TBXAS1: variants seen among roughly 807,000 people sequenced by gnomAD.
TBXAS1 encodes thromboxane-A synthase.
TBXAS1 carries 48 observed loss-of-function variants against 60.7 expected under a neutral mutation model. The observed-to-expected ratio is 0.79, with a 90% CI of 0.63 to 1.01. The LOEUF is 1.01. Ranked by LOEUF, TBXAS1 falls within the 50% of genes least tolerant of loss-of-function variation. The pLI is 0.00. For missense variants in TBXAS1, 685 were observed against 686.3 expected (o/e 1.00, Z 0.02); for synonymous variants, 287 against 269.7 (o/e 1.06, Z -0.63).
chr7:139,971,435 T>C (rs1410671314), intron 9 of TBXAS1, among the ~76,000 whole-genome samples: 1 of 152,182 alleles, frequency 6.6e-6, no homozygotes. Flanking sequence ...TCGATCTGGA[T>C]CAGGTGGCAG....
chr7:139,909,686 C>A (rs543011296), intron 3 of TBXAS1, among the ~76,000 whole-genome samples: 387 of 152,274 alleles, frequency 2.5e-3, no homozygotes, highest in Non-Finnish European at 3.9e-3. Context: ...CAATTAATAT[C>A]ATTTGGGTTT....
chr7:139,965,618 G>A (rs1810724720), intron 9 of TBXAS1, among the ~76,000 whole-genome samples: 1 of 152,058 alleles, frequency 6.6e-6, no homozygotes, highest in Non-Finnish European at 1.5e-5. Context: ...AGACTCTCAA[G>A]GGCTCGGATC....
chr7:139,817,545 T>C (rs776658517), intron 4 of TBXAS1, among the ~76,000 whole-genome samples: 1 of 152,128 alleles, frequency 6.6e-6, no homozygotes, highest in Non-Finnish European at 1.5e-5. Context: ...TTAGAGCCCA[T>C]AAACCCGGAA....
chr7:139,957,620 T>G lies in TBXAS1; in HGVS notation c.689-14T>G, dbSNP rs1258835349. On this transcript the variant is annotated splice_polypyrimidine_tract_variant and intron_variant, in intron 7 of 12. Coordinates refer to ENST00000448866, the MANE Select transcript of TBXAS1 (RefSeq NM_001061.7). Reference sequence around the variant, plus strand: ...ACCCCCTTTTCAATGCCACTTTTGTTTTTCTCTTTCAAGTATCATTTCCAT... The same window carrying G: ...ACCCCCTTTTCAATGCCACTTTTGTGTTTCTCTTTCAAGTATCATTTCCAT... 5.6e-6 allele frequency: 9 copies of G among 1,613,908 alleles called. No homozygotes were observed. The highest frequency in any genetic ancestry group is 1.3e-5 in the African/African-American group (1 of 74,880).
chr7:139,986,755 ATGTG>A (rs72102720), intron 9 of TBXAS1, among the ~76,000 whole-genome samples: 2,995 of 78,954 alleles, frequency 0.038, 68 homozygotes, highest in Non-Finnish European at 0.052. Context: ...ATATATATAT[ATGTG>A]TGTGTGTGTG....
At chr7:139,816,534 C>T (rs1798153698) in intron 4 of TBXAS1, among the ~76,000 whole-genome samples, 1 of 152,142 alleles carries the variant, frequency 6.6e-6, no homozygotes, top group African/African-American at 2.4e-5. Flanking sequence ...CCTGGTGCTT[C>T]TAATGCACAG....
At chr7:139,954,522 G>GTCATGTATT (rs1554497471) in intron 6 of TBXAS1, among the ~76,000 whole-genome samples, 1 of 152,210 alleles carries the variant, frequency 6.6e-6, no homozygotes, top group Non-Finnish European at 1.5e-5. Context: ...ATCTGGAAAC[G>GTCATGTATT]TCATGTATTC....
intron 4 of TBXAS1, among the ~76,000 whole-genome samples, chr7:139,929,258 C>T (rs867612956): frequency 4.7e-4 from 72 of 152,322 alleles, no homozygotes; most frequent in African/African-American, 1.6e-3. Context: ...CAATGGTGAG[C>T]GCACACTTGG....
intron 6 of TBXAS1, among the ~76,000 whole-genome samples, chr7:139,955,014 A>C (rs1041352755): frequency 1.3e-5 from 2 of 152,226 alleles, no homozygotes; most frequent in Admixed American, 6.5e-5. Flanking sequence ...TTTGATGTCT[A>C]TCAGTCAATC....
chr7:140,008,013 C>A (rs1269138503), intron 10 of TBXAS1, among the ~76,000 whole-genome samples: 2 of 152,136 alleles, frequency 1.3e-5, no homozygotes, highest in Non-Finnish European at 1.5e-5. Flanking sequence ...GAAGTAACAG[C>A]CAGATTTCAG....
At chr7:140,017,880 G>C in intron 12 of TBXAS1, 47 bp downstream of exon 12, 1 of 1,612,436 alleles carries the variant, frequency 6.2e-7, no homozygotes, top group Non-Finnish European at 8.5e-7. Context: ...GGGGTGGGAG[G>C]GCCACCCCAG....
At chr7:139,818,997 AG>A (rs1456884976) in intron 4 of TBXAS1, among the ~76,000 whole-genome samples, 1 of 152,196 alleles carries the variant, frequency 6.6e-6, no homozygotes, top group Non-Finnish European at 1.5e-5. Context: ...TTTTTAGCAG[AG>A]GGCTGCAATT....
chr7:139,993,648 G>C (rs371815545), intron 9 of TBXAS1, among the ~76,000 whole-genome samples: 1 of 152,138 alleles, frequency 6.6e-6, no homozygotes, highest in Non-Finnish European at 1.5e-5. Context: ...CTAGCTATGG[G>C]ATGCCTAGTT....
intron 3 of TBXAS1, among the ~76,000 whole-genome samples, chr7:139,881,172 A>G (rs1325636192): frequency 6.6e-6 from 1 of 152,238 alleles, no homozygotes; most frequent in African/African-American, 2.4e-5. Flanking sequence ...TAAAGAAAGT[A>G]GCCTTTTATA....
intron 1 of TBXAS1, among the ~76,000 whole-genome samples, chr7:139,833,207 G>T (rs1421660810): frequency 6.6e-6 from 1 of 152,138 alleles, no homozygotes; most frequent in East Asian, 1.9e-4. Flanking sequence ...CTGCAGAATG[G>T]ATAAGAACTC....
intron 3 of TBXAS1, among the ~76,000 whole-genome samples, chr7:139,878,597 A>G (rs2116854698): frequency 6.6e-6 from 1 of 152,308 alleles, no homozygotes; most frequent in South Asian, 2.1e-4. Flanking sequence ...GGCGGTGTAA[A>G]AATGAAAGGG....
chr7:139,984,762 AAGC>A (rs1812272969), intron 9 of TBXAS1, among the ~76,000 whole-genome samples: 1 of 100,252 alleles, frequency 1.0e-5, no homozygotes, highest in Non-Finnish European at 2.1e-5. Flanking sequence ...GAAAGAAAGA[AAGC>A]AGGAAAGAAA....
intron 9 of TBXAS1, among the ~76,000 whole-genome samples, chr7:139,973,710 T>C (rs1811374411): frequency 6.6e-6 from 1 of 152,194 alleles, no homozygotes; most frequent in South Asian, 2.1e-4. Context: ...TTTATAAAGT[T>C]AATCATTTAG....
At chr7:139,858,850 T>C (rs1800766284) in intron 1 of TBXAS1, among the ~76,000 whole-genome samples, 1 of 152,214 alleles carries the variant, frequency 6.6e-6, no homozygotes, top group Non-Finnish European at 1.5e-5. Flanking sequence ...AAAGCATTTA[T>C]TTATTTTTTA....
Sources: allele counts gnomAD v4.1 joint callset (sites outside exome capture counted in the v4.1 genomes callset), GRCh38; gene constraint gnomAD v4.1.1; transcripts MANE v1.5; gene names NCBI Gene and HGNC (gene_info 2026-07-23, HGNC 2026-07-21).